GRIN3A: variants seen among roughly 807,000 people sequenced by gnomAD.
The protein encoded by GRIN3A is glutamate receptor ionotropic, NMDA 3A.
GRIN3A carries 47 observed loss-of-function variants against 92.4 expected under a neutral mutation model. The ratio of observed to expected loss-of-function variants is 0.51; its 90% CI spans 0.40 to 0.65. The LOEUF is 0.65. GRIN3A is among the 30% of genes least tolerant of loss of function. The pLI is 0.00. For missense variants in GRIN3A, 1,324 were observed against 1,393.1 expected (o/e 0.95, Z 0.79); for synonymous variants, 527 against 540.6 (o/e 0.97, Z 0.35).
intron 6 of GRIN3A, among the ~76,000 whole-genome samples, chr9:101,609,487 T>G (rs1375198982): frequency 6.6e-6 from 1 of 152,210 alleles, no homozygotes; most frequent in Non-Finnish European, 1.5e-5. Flanking sequence ...CTGTTAATAG[T>G]AGAGACAGGA....
intron 3 of GRIN3A, among the ~76,000 whole-genome samples, chr9:101,662,790 T>C (rs1444907332): frequency 6.6e-6 from 1 of 151,820 alleles, no homozygotes; most frequent in East Asian, 1.9e-4. Context: ...TATGTGGTGG[T>C]ACATTAACAA....
At chr9:101,581,899 A>G (rs1479946667) in intron 6 of GRIN3A, among the ~76,000 whole-genome samples, 1 of 152,220 alleles carries the variant, frequency 6.6e-6, no homozygotes, top group East Asian at 1.9e-4. Context: ...GCACTTTATC[A>G]ATGTAGCAAC....
At chr9:101,675,857 A>G (rs960277385) in intron 2 of GRIN3A, among the ~76,000 whole-genome samples, 1 of 151,976 alleles carries the variant, frequency 6.6e-6, no homozygotes, top group Non-Finnish European at 1.5e-5. Flanking sequence ...TACATTGATT[A>G]TCTTAATGTA....
In GRIN3A at chr9:101,659,958, C is replaced by CTGAAT. The variant is rs1564137743; in HGVS notation, c.2352+10101_2352+10102insATTCA. Among the ~76,000 whole-genome samples, 3 of 151,722 alleles carry CTGAAT rather than the reference C, an allele frequency of 2.0e-5. No homozygotes were observed. The South Asian group carries it at 6.2e-4, about 32-fold the overall frequency. On this transcript the variant is annotated intron_variant, in intron 3 of 8. Coordinates refer to ENST00000361820, the MANE Select transcript of GRIN3A (RefSeq NM_133445.3). The stretch of plus-strand genomic sequence containing the variant: ...TCAGTTTTTGACTTATCAATCTGAA[C>CTGAAT]TAGCAAAGCCTTGATGATTTTCCTA...
intron 7 of GRIN3A, 68 bp downstream of exon 7, chr9:101,579,128 C>T: frequency 6.5e-7 from 1 of 1,533,522 alleles, no homozygotes; most frequent in South Asian, 1.1e-5. Context: ...ACATAGGGCT[C>T]TGGATCCTCC....
At position 101,678,946 on chromosome 9, in the gene GRIN3A, G is replaced by T. The variant is rs1330546984; in HGVS notation, c.1304+7650C>A. 2.6e-5 allele frequency among the ~76,000 whole-genome samples: 4 copies of T among 152,048 alleles called. No individual in the cohort carries two copies. In the South Asian group the frequency reaches 6.2e-4, roughly 24 times the overall value. On this transcript the variant is annotated intron_variant, in intron 2 of 8. Coordinates refer to ENST00000361820, the MANE Select transcript of GRIN3A (RefSeq NM_133445.3). ...CCTTTTGCTTTTTGGTATGAACCTT[G>T]ACTCTTCTATACAATTATGATCTCT...
chr9:101,648,166 ATTTTTGTTAGTCTCAAGGAATT>A (rs535413384), intron 3 of GRIN3A, among the ~76,000 whole-genome samples: 1 of 151,932 alleles, frequency 6.6e-6, no homozygotes, highest in African/African-American at 2.4e-5. Context: ...TTGTGTCTCC[ATTTTTGTTAGTCTCAAGGAATT>A]TTTAAATTTC....
intron 6 of GRIN3A, among the ~76,000 whole-genome samples, chr9:101,600,219 C>G (rs1828193704): frequency 6.6e-6 from 1 of 152,090 alleles, no homozygotes; most frequent in South Asian, 2.1e-4. Context: ...ATAGTAGGTA[C>G]AGGAATGGTA....
At chr9:101,626,741 A>C (rs1303156449) in intron 4 of GRIN3A, among the ~76,000 whole-genome samples, 1 of 152,228 alleles carries the variant, frequency 6.6e-6, no homozygotes, top group Non-Finnish European at 1.5e-5. Context: ...TTCTGCAAAC[A>C]TCAAGGACCT....
At chr9:101,641,604 G>T (rs1211178444) in intron 3 of GRIN3A, among the ~76,000 whole-genome samples, 1 of 151,842 alleles carries the variant, frequency 6.6e-6, no homozygotes, top group Non-Finnish European at 1.5e-5. Flanking sequence ...CACAGGAAGG[G>T]GAACATCACA....
At chr9:101,641,391 G>A (rs959540250) in intron 3 of GRIN3A, among the ~76,000 whole-genome samples, 9 of 152,136 alleles carry the variant, frequency 5.9e-5, no homozygotes, top group Admixed American at 4.6e-4. Flanking sequence ...CAACCCAAAT[G>A]TCCAACAACG....
At chr9:101,648,136 A>C (rs1373352241) in intron 3 of GRIN3A, among the ~76,000 whole-genome samples, 1 of 151,888 alleles carries the variant, frequency 6.6e-6, no homozygotes, top group Non-Finnish European at 1.5e-5. Context: ...CTTTTGCTGA[A>C]TCCCATAGCT....
intron 6 of GRIN3A, among the ~76,000 whole-genome samples, chr9:101,610,086 G>T (rs979906508): frequency 5.9e-5 from 9 of 152,216 alleles, no homozygotes; most frequent in Admixed American, 5.9e-4. Flanking sequence ...CCAAGTGATT[G>T]TTATTTGGCA....
intron 3 of GRIN3A, among the ~76,000 whole-genome samples, chr9:101,638,277 A>C (rs10819959): frequency 0.19 from 28,583 of 152,174 alleles, 3,127 homozygotes; most frequent in Non-Finnish European, 0.25. Flanking sequence ...ATAGAATTTC[A>C]ACAAAGGAAT....
chr9:101,656,176 A>C (rs773815825), intron 3 of GRIN3A, among the ~76,000 whole-genome samples: 2 of 152,008 alleles, frequency 1.3e-5, no homozygotes, highest in African/African-American at 2.4e-5. Flanking sequence ...AATTCTTTAG[A>C]GGATAGACTG....
At chr9:101,671,338 A>G (rs1829321700) in intron 2 of GRIN3A, among the ~76,000 whole-genome samples, 1 of 152,196 alleles carries the variant, frequency 6.6e-6, no homozygotes, top group African/African-American at 2.4e-5. Flanking sequence ...CTAATATTCT[A>G]GCCAGGTGCT....
chr9:101,621,529 C>T (rs1460615085), intron 5 of GRIN3A, among the ~76,000 whole-genome samples: 1 of 152,148 alleles, frequency 6.6e-6, no homozygotes, highest in Non-Finnish European at 1.5e-5. Context: ...TTAAAACCTG[C>T]AGTATTTCTA....
At chr9:101,689,040 C>T (rs1228945034) in intron 1 of GRIN3A, among the ~76,000 whole-genome samples, 1 of 152,254 alleles carries the variant, frequency 6.6e-6, no homozygotes. Flanking sequence ...TTCATTTCCT[C>T]ACTCCTCATT....
At chr9:101,641,255 A>G (rs1357404842) in intron 3 of GRIN3A, among the ~76,000 whole-genome samples, 1 of 152,170 alleles carries the variant, frequency 6.6e-6, no homozygotes, top group Non-Finnish European at 1.5e-5. Flanking sequence ...AGAACTAGAA[A>G]TACCATTTGA....
Sources: gnomAD v4.1 joint callset for allele counts (sites outside exome capture counted in the v4.1 genomes callset) on GRCh38, gnomAD v4.1.1 for gene constraint, MANE v1.5 for transcripts, NCBI Gene and HGNC (gene_info 2026-07-23, HGNC 2026-07-21) for gene names.